Variants in DAB1 observed in about 807,000 individuals in gnomAD.
DAB1 encodes DAB adaptor protein 1.
A neutral mutation model predicts 64.6 loss-of-function variants in DAB1; 15 were observed. The ratio of observed to expected loss-of-function variants is 0.23; its 90% CI spans 0.16 to 0.36. DAB1 has a LOEUF of 0.36. DAB1 is among the 10% of genes least tolerant of loss of function. The probability of loss-of-function intolerance (pLI) is 1.00; values close to 1 mark genes in which losing one functional copy is unlikely to be tolerated. For missense variants in DAB1, 596 were observed against 706.7 expected (o/e 0.84, Z 1.78); for synonymous variants, 235 against 251.9 (o/e 0.93, Z 0.64).
At chr1:57,527,474 A>G (rs1180551911) in intron 7 of DAB1, among the ~76,000 whole-genome samples, 2 of 152,184 alleles carry the variant, frequency 1.3e-5, no homozygotes, top group Admixed American at 1.3e-4. Context: ...GATAAGCCAA[A>G]TCACTTCCTC....
chr1:58,068,644 T>C (rs1649017034), intron 5 of DAB1, among the ~76,000 whole-genome samples: 1 of 151,622 alleles, frequency 6.6e-6, no homozygotes, highest in African/African-American at 2.4e-5. Flanking sequence ...TGGGGGCCTG[T>C]AGTCCCAGCT....
At chr1:57,179,800 G>A (rs1398983000) in intron 2 of DAB1, among the ~76,000 whole-genome samples, 1 of 152,140 alleles carries the variant, frequency 6.6e-6, no homozygotes, top group African/African-American at 2.4e-5. Context: ...TGCTTTACAT[G>A]TCATAAGGAA....
chr1:57,262,145 T>C (rs1570093329), intron 2 of DAB1, among the ~76,000 whole-genome samples: 1 of 152,164 alleles, frequency 6.6e-6, no homozygotes, highest in East Asian at 1.9e-4. Flanking sequence ...GAAAGCTACA[T>C]GTTGGGCAAG....
At chr1:57,140,772 T>A (rs1178903036) in intron 3 of DAB1, among the ~76,000 whole-genome samples, 1 of 152,136 alleles carries the variant, frequency 6.6e-6, no homozygotes, top group East Asian at 1.9e-4. Context: ...TACCACGTGC[T>A]AGGCACTGTG....
intron 4 of DAB1, among the ~76,000 whole-genome samples, chr1:58,167,368 A>C (rs1357097400): frequency 6.6e-6 from 1 of 151,816 alleles, no homozygotes; most frequent in African/African-American, 2.4e-5. Flanking sequence ...CTCTGTAAAA[A>C]TGCACCAATC....
At chr1:57,496,440 G>T (rs979079658) in intron 7 of DAB1, among the ~76,000 whole-genome samples, 7 of 152,126 alleles carry the variant, frequency 4.6e-5, no homozygotes, top group South Asian at 2.1e-4. Flanking sequence ...ACCTTCAATG[G>T]TGCCCAGTAT....
intron 1 of DAB1, chr1:58,539,256 G>A (rs1226196388): frequency 1.2e-6 from 1 of 867,570 alleles, no homozygotes; most frequent in Non-Finnish European, 2.0e-6. Context: ...AGAAAACATG[G>A]TTTCTAGCAG....
intron 3 of DAB1, among the ~76,000 whole-genome samples, chr1:58,405,446 G>T (rs964540259): frequency 3.3e-5 from 5 of 151,924 alleles, no homozygotes; most frequent in African/African-American, 4.8e-5. Context: ...GCTCACTGCA[G>T]CCTCAACCTC....
At chr1:57,463,407 G>T (rs536205208) in intron 7 of DAB1, among the ~76,000 whole-genome samples, 1 of 152,272 alleles carries the variant, frequency 6.6e-6, no homozygotes, top group East Asian at 1.9e-4. Flanking sequence ...TTTACATTTT[G>T]AGGGGTCTTA....
At chr1:57,762,837 C>CTA (rs1649145793) in intron 6 of DAB1, among the ~76,000 whole-genome samples, 1 of 152,190 alleles carries the variant, frequency 6.6e-6, no homozygotes, top group South Asian at 2.1e-4. Context: ...CCCCACTGTG[C>CTA]TATGACACCC....
chr1:58,069,094 A>G (rs1376279861), intron 5 of DAB1, among the ~76,000 whole-genome samples: 1 of 152,188 alleles, frequency 6.6e-6, no homozygotes, highest in African/African-American at 2.4e-5. Flanking sequence ...AAAGAGTAAT[A>G]TGCTCTTATG....
At chr1:57,920,303 T>G (rs1480075816) in intron 5 of DAB1, among the ~76,000 whole-genome samples, 1 of 152,072 alleles carries the variant, frequency 6.6e-6, no homozygotes. Context: ...CATCTAAGTG[T>G]GGGCTTGGAA....
At chr1:57,031,927 G>T (rs895065916) in intron 9 of DAB1, among the ~76,000 whole-genome samples, 12 of 152,228 alleles carry the variant, frequency 7.9e-5, no homozygotes, top group Admixed American at 5.2e-4. Flanking sequence ...GGTAAGAAGA[G>T]TGATATTGGA....
intron 4 of DAB1, among the ~76,000 whole-genome samples, chr1:58,304,213 C>T (rs1662246772): frequency 6.6e-6 from 1 of 152,114 alleles, no homozygotes; most frequent in Admixed American, 6.5e-5. Flanking sequence ...CCAAATGTAG[C>T]TTTGAAAGCC....
In DAB1 at chr1:57,510,193, C is replaced by T. The variant is rs527976114; in HGVS notation, n.625+139399G>A. On this transcript the variant is annotated intron_variant and non_coding_transcript_variant, in intron 7 of 20. Coordinates refer to the DAB1 transcript ENST00000485760. ...AACCCATCCCAAGCTGGCTTCCACG[C>T]CTCTCCCAAGGACACCAGTGCCTTC... is the stretch of plus-strand genomic sequence containing the variant. Among the ~76,000 whole-genome samples, 25 of 152,306 alleles carry T rather than the reference C, an allele frequency of 1.6e-4. No individual in the cohort carries two copies. The South Asian group carries it at 5.0e-3, about 30-fold the overall frequency.
At chr1:57,244,620 T>C (rs1668731835) in intron 2 of DAB1, among the ~76,000 whole-genome samples, 1 of 152,204 alleles carries the variant, frequency 6.6e-6, no homozygotes, top group East Asian at 1.9e-4. Flanking sequence ...CAAACAATAT[T>C]AGTTACTCTG....
chr1:57,228,877 T>C (rs919057502), intron 2 of DAB1, among the ~76,000 whole-genome samples: 3 of 152,166 alleles, frequency 2.0e-5, no homozygotes, highest in Non-Finnish European at 2.9e-5. Context: ...TTTAATAGAA[T>C]TCTATATAGC....
chr1:58,343,581 G>A (rs1275052622), intron 3 of DAB1, among the ~76,000 whole-genome samples: 1 of 152,190 alleles, frequency 6.6e-6, no homozygotes, highest in Non-Finnish European at 1.5e-5. Context: ...AAAGTTGGGA[G>A]GGAGAAAGAC....
At chr1:58,059,818 C>A (rs1291282175) in intron 5 of DAB1, among the ~76,000 whole-genome samples, 2 of 152,188 alleles carry the variant, frequency 1.3e-5, no homozygotes, top group Non-Finnish European at 2.9e-5. Context: ...CGAGGCTAAG[C>A]AATTTCTCCA....
Sources: gnomAD v4.1 joint callset for allele counts (sites outside exome capture counted in the v4.1 genomes callset) on GRCh38, gnomAD v4.1.1 for gene constraint, MANE v1.5 for transcripts, NCBI Gene and HGNC (gene_info 2026-07-23, HGNC 2026-07-21) for gene names.